Variants in GRID2 observed in about 807,000 individuals in gnomAD.
The protein encoded by GRID2 is glutamate ionotropic receptor delta type subunit 2.
Under a neutral mutation model 114.8 loss-of-function variants are expected in GRID2, and 33 were observed. That is an observed-to-expected ratio of 0.29 (90% CI 0.22 to 0.38). The LOEUF is 0.38. GRID2 is among the 10% of genes least tolerant of loss of function. The pLI is 1.00. For missense variants in GRID2, 1,184 were observed against 1,257.7 expected, an observed-to-expected ratio of 0.94 and a Z score of 0.89; for synonymous variants, 505 against 449.9, an observed-to-expected ratio of 1.12 and a Z score of -1.55.
intron 2 of GRID2, among the ~76,000 whole-genome samples, chr4:92,732,217 T>C (rs1029618677): frequency 2.0e-5 from 3 of 151,994 alleles, no homozygotes; most frequent in African/African-American, 4.8e-5. Flanking sequence ...ATTGTGAGTA[T>C]AATTTTTTTA....
chr4:92,666,650 G>GTTTTTTGTTTTTTTTTTT (rs1286942855), intron 2 of GRID2, among the ~76,000 whole-genome samples: 2 of 68,602 alleles, frequency 2.9e-5, no homozygotes, highest in African/African-American at 1.0e-4. Flanking sequence ...CTTAAGGGTT[G>GTTTTTTGTTTTTTTTTTT]TTTTTTTTTT....
intron 8 of GRID2, among the ~76,000 whole-genome samples, chr4:93,380,038 C>G (rs1169962776): frequency 6.6e-6 from 1 of 151,932 alleles, no homozygotes; most frequent in Non-Finnish European, 1.5e-5. Context: ...CTGCGAAAAA[C>G]AAAAAGTATG....
At position 93,211,752 on chromosome 4, in the gene GRID2, C is replaced by T. The variant is rs1003839392; in HGVS notation, c.789+4295C>T. 5.3e-5 allele frequency among the ~76,000 whole-genome samples: 8 copies of T among 152,170 alleles called. No homozygotes were observed. The East Asian group carries it at 1.4e-3, about 26-fold the overall frequency. ...AAAAATACAATGTTCACAACCCATACCATTTACATTACACAGGTTAGCACT... is the reference window on the plus strand; with the variant it reads ...AAAAATACAATGTTCACAACCCATATCATTTACATTACACAGGTTAGCACT... On this transcript the variant is annotated intron_variant, in intron 5 of 15. Transcript: ENST00000282020.
intron 11 of GRID2, among the ~76,000 whole-genome samples, chr4:93,458,972 G>C (rs1027480245): frequency 3.9e-5 from 6 of 152,092 alleles, no homozygotes; most frequent in Non-Finnish European, 8.8e-5. Flanking sequence ...CTGAGGTCAG[G>C]AGTTCGAGAC....
At position 93,484,213 on chromosome 4, in the gene GRID2, A is replaced by T. The variant is rs10461169; in HGVS notation, c.1859-6426A>T. ...TCCACCTGTATAATTGCCACCTAGG[A>T]AAAGATAGAACATTACCAGTGACCC... On this transcript the variant is annotated intron_variant, in intron 11 of 15. Transcript: ENST00000282020. Among the ~76,000 whole-genome samples the T allele has an allele frequency of 1.4e-3, 216 of 151,960 alleles. 3 individuals carry two copies. In the East Asian group the frequency reaches 0.035, roughly 25 times the overall value.
intron 2 of GRID2, among the ~76,000 whole-genome samples, chr4:92,944,041 T>C (rs1297063098): frequency 6.6e-6 from 1 of 152,294 alleles, no homozygotes; most frequent in Non-Finnish European, 1.5e-5. Flanking sequence ...AGGGACCCAC[T>C]TGAGGAGGCA....
chr4:92,824,239 T>C (rs1741512361), intron 2 of GRID2, among the ~76,000 whole-genome samples: 1 of 152,186 alleles, frequency 6.6e-6, no homozygotes. Context: ...TATCATTAGG[T>C]TCTTATATTT....
At chr4:92,873,963 C>T (rs982191149) in intron 2 of GRID2, among the ~76,000 whole-genome samples, 14 of 152,110 alleles carry the variant, frequency 9.2e-5, no homozygotes, top group Admixed American at 2.0e-4. Flanking sequence ...ATCCACCTGC[C>T]TCGGCCTCCC....
In GRID2 at chr4:92,358,572, G is replaced by T. The variant is rs550516743; in HGVS notation, c.88+53828G>T. ...TTGGGAACTTAAGGGAAATATCAGT[G>T]GTACTTCATTAATACTATAACCTAA... On this transcript the variant is annotated intron_variant, in intron 1 of 15. Coordinates refer to ENST00000282020, the MANE Select transcript of GRID2 (RefSeq NM_001510.4). 2.0e-5 allele frequency among the ~76,000 whole-genome samples: 3 copies of T among 151,888 alleles called. No individual in the cohort carries two copies. The East Asian group carries it at 5.8e-4, about 30-fold the overall frequency.
chr4:92,327,632 T>C (rs1269234858), intron 1 of GRID2, among the ~76,000 whole-genome samples: 3 of 151,816 alleles, frequency 2.0e-5, no homozygotes, highest in Non-Finnish European at 4.4e-5. Context: ...TCTTCCCTTA[T>C]TATGAAAAAA....
At chr4:93,257,987 TATATATATATATAC>T (rs772634981) in intron 8 of GRID2, among the ~76,000 whole-genome samples, 537 of 127,896 alleles carry the variant, frequency 4.2e-3, no homozygotes, top group East Asian at 7.3e-3. Flanking sequence ...TGTATATATA[TATATATATATATAC>T]ACACACACAC....
chr4:92,488,559 A>G (rs1723002437), intron 1 of GRID2, among the ~76,000 whole-genome samples: 2 of 152,156 alleles, frequency 1.3e-5, no homozygotes, highest in South Asian at 4.1e-4. Context: ...GGAAATGGGA[A>G]ACAAACTAAT....
chr4:92,704,725 C>CTCTCTCTCTCTCTCTCTT (rs1553918676), intron 2 of GRID2, among the ~76,000 whole-genome samples: 6,543 of 132,400 alleles, frequency 0.049, 103 homozygotes, highest in East Asian at 0.075. Flanking sequence ...CTCTCTCTTT[C>CTCTCTCTCTCTCTCTCTT]TCTCTCTCTC....
At chr4:92,429,030 C>A (rs1307983411) in intron 1 of GRID2, among the ~76,000 whole-genome samples, 4 of 152,142 alleles carry the variant, frequency 2.6e-5, no homozygotes, top group South Asian at 4.1e-4. Context: ...CACCCCCCGA[C>A]AGGCCCCAGT....
At chr4:93,790,883 A>T (rs1247894611) in intron 1 of GRID2, among the ~76,000 whole-genome samples, 2 of 152,186 alleles carry the variant, frequency 1.3e-5, no homozygotes, top group Non-Finnish European at 2.9e-5. Flanking sequence ...CACAAAACAG[A>T]AGTAATAATA....
At chr4:92,826,803 T>C (rs1415766256) in intron 2 of GRID2, among the ~76,000 whole-genome samples, 1 of 151,934 alleles carries the variant, frequency 6.6e-6, no homozygotes, top group Non-Finnish European at 1.5e-5. Context: ...ACAACATGAG[T>C]TTTTCATATA....
At chr4:93,598,314 T>A (rs1032514726) in intron 13 of GRID2, among the ~76,000 whole-genome samples, 1 of 152,084 alleles carries the variant, frequency 6.6e-6, no homozygotes, top group Non-Finnish European at 1.5e-5. Flanking sequence ...CTGCTATCCC[T>A]CCCCCCATAG....
chr4:92,848,739 G>T (rs1244775923), intron 2 of GRID2, among the ~76,000 whole-genome samples: 2 of 151,878 alleles, frequency 1.3e-5, no homozygotes, highest in Non-Finnish European at 2.9e-5. Flanking sequence ...TGGAGATAGG[G>T]TCTTTAAAGA....
chr4:93,532,382 C>A (rs934761046), intron 13 of GRID2, among the ~76,000 whole-genome samples: 1 of 152,134 alleles, frequency 6.6e-6, no homozygotes, highest in Non-Finnish European at 1.5e-5. Context: ...CAACAATATG[C>A]TTTCATTTAC....
Sources: gnomAD v4.1 joint callset for allele counts (sites outside exome capture counted in the v4.1 genomes callset) on GRCh38, gnomAD v4.1.1 for gene constraint, MANE v1.5 for transcripts, NCBI Gene and HGNC (gene_info 2026-07-23, HGNC 2026-07-21) for gene names.